The following PCNT variants were observed in gnomAD, a reference collection of about 807,000 sequenced individuals.
PCNT encodes kendrin.
In PCNT, 319 loss-of-function variants were observed where a neutral mutation model predicts 380.4. The observed-to-expected ratio is 0.84, with a 90% confidence interval of 0.77 to 0.92. The LOEUF is 0.92. PCNT is among the 40% of genes least tolerant of loss of function. The pLI is 0.00. For synonymous variants in PCNT, 1,845 were observed against 1,735.2 expected, an observed-to-expected ratio of 1.06 and a Z score of -1.57; for missense variants, 4,400 against 4,255.3, an observed-to-expected ratio of 1.03 and a Z score of -0.95.
At chr21:46,438,408 A>C in intron 41 of PCNT, 71 bp downstream of exon 41, 1 of 1,422,820 alleles carries the variant, frequency 7.0e-7, no homozygotes, top group Non-Finnish European at 9.9e-7. Context: ...TCCACCCCAC[A>C]AGAGGCCGGG....
intron 38 of PCNT, among the ~76,000 whole-genome samples, chr21:46,435,067 C>T (rs916386058): frequency 6.6e-6 from 1 of 152,190 alleles, no homozygotes; most frequent in African/African-American, 2.4e-5. Flanking sequence ...GGACACAGAG[C>T]AGCACAGCAC....
At chr21:46,381,212 G>C (rs1030348968) in intron 15 of PCNT, among the ~76,000 whole-genome samples, 2 of 86,720 alleles carry the variant, frequency 2.3e-5, no homozygotes, top group Non-Finnish European at 2.0e-5. Context: ...GTGTGTGTGT[G>C]TGTGTGTGTG....
intron 42 of PCNT, 52 bp from the exon 43 acceptor site, chr21:46,440,786 TAATGTGCTTTTGTCAGC>T (rs2053588390): frequency 6.4e-6 from 6 of 933,446 alleles, no homozygotes; most frequent in Non-Finnish European, 1.1e-5. Flanking sequence ...GCAATGGTGT[TAATGTGCTTTTGTCAGC>T]AAGACAGTCT....
At chr21:46,365,313 T>G (rs2084864032) in intron 14 of PCNT, among the ~76,000 whole-genome samples, 1 of 145,562 alleles carries the variant, frequency 6.9e-6, no homozygotes, top group African/African-American at 2.5e-5. Context: ...TTCTATTCAC[T>G]GCCATGGGGT....
At chr21:46,325,777 G>A (rs1192890804) in intron 1 of PCNT, among the ~76,000 whole-genome samples, 1 of 152,224 alleles carries the variant, frequency 6.6e-6, no homozygotes, top group East Asian at 1.9e-4. Context: ...CGGATTTGAG[G>A]ACTGAGCAGA....
chr21:46,374,989 A>G (rs1477887609), intron 15 of PCNT, among the ~76,000 whole-genome samples: 2 of 152,062 alleles, frequency 1.3e-5, no homozygotes, highest in East Asian at 3.9e-4. Flanking sequence ...ATATCTTTGC[A>G]CCTGTTGGAA....
At chr21:46,423,217 T>C (rs62870862) in intron 32 of PCNT, among the ~76,000 whole-genome samples, 1 of 151,596 alleles carries the variant, frequency 6.6e-6, no homozygotes, top group East Asian at 1.9e-4. Flanking sequence ...TTTTTTTTTT[T>C]GGTGAGACAG....
intron 22 of PCNT, 122 bp downstream of exon 22, chr21:46,397,616 G>C: frequency 1.2e-6 from 1 of 823,286 alleles, no homozygotes. Context: ...CCCCACACCT[G>C]CTGCACAGGT....
At chr21:46,399,319 G>C (rs1601960954) in intron 24 of PCNT, among the ~76,000 whole-genome samples, 1 of 150,418 alleles carries the variant, frequency 6.6e-6, no homozygotes, top group Non-Finnish European at 1.5e-5. Flanking sequence ...CAGCCTGTGG[G>C]TCTAGGTCTC....
intron 13 of PCNT, among the ~76,000 whole-genome samples, chr21:46,362,500 A>C (rs1326821556): frequency 6.6e-6 from 1 of 152,204 alleles, no homozygotes; most frequent in Non-Finnish European, 1.5e-5. Flanking sequence ...GGCGAGGTGC[A>C]CAGGCATCAC....
Position 46,442,490 on chromosome 21 carries a change from T to C in PCNT, c.9624-7T>C. 1 of 1,587,706 alleles carries C rather than the reference T, an allele frequency of 6.3e-7. No homozygotes were observed. Among genetic ancestry groups the C allele is most frequent in the Non-Finnish European group, 8.6e-7 (1 of 1,156,142 alleles). On this transcript the variant is annotated splice_region_variant and splice_polypyrimidine_tract_variant and intron_variant, in intron 43 of 46. Transcript: ENST00000359568. Reference sequence around the variant, plus strand: ...TTTTAAGTGTGTCTTGTCTCTTTTTTTTGTAGATTACGTTTTTTGGTTAAG... The same window carrying C: ...TTTTAAGTGTGTCTTGTCTCTTTTTCTTGTAGATTACGTTTTTTGGTTAAG...
chr21:46,342,534 C>CTT (rs748392645), intron 3 of PCNT, among the ~76,000 whole-genome samples: 3 of 142,320 alleles, frequency 2.1e-5, no homozygotes, highest in Admixed American at 7.0e-5. Context: ...TCAATTCTTT[C>CTT]TTTTTTTTTT....
chr21:46,362,556 A>G (rs2084757664), intron 13 of PCNT, among the ~76,000 whole-genome samples: 1 of 152,144 alleles, frequency 6.6e-6, no homozygotes, highest in Admixed American at 6.6e-5. Flanking sequence ...TTAAATAAGG[A>G]GTTGAGGTCA....
rs1416229668 is a variant in PCNT at position 46,388,771 on chromosome 21, T to A, written c.3494T>A (p.Leu1165Gln). 1 of 1,613,872 alleles carries A rather than the reference T, an allele frequency of 6.2e-7. No individual in the cohort carries two copies. The highest frequency in any genetic ancestry group is 8.5e-7 in the Non-Finnish European group (1 of 1,179,966). The change falls in exon 18 of 47, where the codon CTG (leucine) becomes CAG (glutamine). Residue 1165 changes from leucine (L) to glutamine (Q), a missense_variant. By Grantham distance (113) the Leu-to-Gln change is moderately radical. Transcript: ENST00000359568. This position sits in a 1 kb window ranked among gnomAD's most constrained non-coding sequence, Gnocchi z 4.2. The stretch of plus-strand genomic sequence containing the variant: ...GCCCTCCAGGACGCCCTGCGCAGGC[T>A]GCTGGGTTTGTTTGGAGAGACGCTG... ...RGALQDALRR[L>Q]LGLFGETLRA...
intron 37 of PCNT, chr21:46,430,882 C>T (rs2087730014): frequency 2.0e-6 from 2 of 985,288 alleles, no homozygotes. Context: ...GGCACGATAC[C>T]CCTGCTCGGA....
chr21:46,334,012 T>C (rs189563830), intron 2 of PCNT, among the ~76,000 whole-genome samples: 2,849 of 151,962 alleles, frequency 0.019, 56 homozygotes, highest in African/African-American at 0.051. Context: ...CAAGACCATC[T>C]TGGCTAACAT....
chr21:46,328,388 A>C (rs1449374812), intron 2 of PCNT, among the ~76,000 whole-genome samples: 1 of 151,324 alleles, frequency 6.6e-6, no homozygotes, highest in Non-Finnish European at 1.5e-5. Flanking sequence ...TCAGGCTCCC[A>C]AAGTGCCAGG....
At chr21:46,432,296 G>A (rs567389402) in intron 38 of PCNT, 81 bp downstream of exon 38, 13 of 1,361,124 alleles carry the variant, frequency 9.6e-6, no homozygotes, top group South Asian at 3.8e-5. Flanking sequence ...TGGGGGACGC[G>A]AGATTTATGT....
chr21:46,429,575 G>A (rs2087664693), intron 35 of PCNT, among the ~76,000 whole-genome samples: 1 of 152,168 alleles, frequency 6.6e-6, no homozygotes, highest in Non-Finnish European at 1.5e-5. Context: ...GCTGGGTAGC[G>A]CCAGCCCCAC....
Sources: gnomAD v4.1 joint callset for allele counts (sites outside exome capture counted in the v4.1 genomes callset) on GRCh38, gnomAD v4.1.1 for gene constraint, Gnocchi (gnomAD v3.1) non-coding constraint, MANE v1.5 for transcripts, NCBI Gene and HGNC (gene_info 2026-07-23, HGNC 2026-07-21) for gene names.